NEK3: variants seen among roughly 807,000 people sequenced by gnomAD.
NEK3 encodes serine/threonine-protein kinase Nek3.
A neutral mutation model predicts 66.0 loss-of-function variants in NEK3; 54 were observed. The observed-to-expected ratio is 0.82, with a 90% CI of 0.66 to 1.03. The LOEUF (loss-of-function observed/expected upper bound fraction) is 1.03. NEK3 is among the 50% of genes least tolerant of loss of function. The pLI is 0.00. For synonymous variants in NEK3, 200 were observed against 206.2 expected (o/e 0.97, Z 0.26); for missense variants, 593 against 603.0 (o/e 0.98, Z 0.17).
At position 52,152,076 on chromosome 13, in the gene NEK3, T is replaced by C. The variant is rs1594029472; in HGVS notation, c.393+533A>G. 2.0e-5 allele frequency among the ~76,000 whole-genome samples: 3 copies of C among 152,264 alleles called. No individual in the cohort carries two copies. In the South Asian group the frequency reaches 6.2e-4, roughly 32 times the overall value. Reference sequence around the variant, plus strand: ...ATGCATTTCTGAGTACTTATCCCCCTGTCGTTAAGCGATGCATGACTGTAC... The same window carrying C: ...ATGCATTTCTGAGTACTTATCCCCCCGTCGTTAAGCGATGCATGACTGTAC... On this transcript the variant is annotated intron_variant, in intron 5 of 15. Transcript: ENST00000610828.
chr13:52,144,115 T>C (rs1237650072), intron 9 of NEK3, 128 bp from the exon 10 acceptor site: 7 of 609,778 alleles, frequency 1.1e-5, no homozygotes, highest in Non-Finnish European at 1.9e-5. Flanking sequence ...AAAGTACCAC[T>C]TTAAAAAGTA....
intron 8 of NEK3, among the ~76,000 whole-genome samples, chr13:52,145,735 T>A (rs1369896598): frequency 1.3e-5 from 2 of 152,232 alleles, no homozygotes; most frequent in Non-Finnish European, 1.5e-5. Context: ...GAGTAACATT[T>A]TTAAAGTTTT....
intron 10 of NEK3, 68 bp from the exon 11 acceptor site, chr13:52,141,137 A>G: frequency 2.9e-6 from 4 of 1,397,286 alleles, no homozygotes; most frequent in Non-Finnish European, 3.9e-6. Flanking sequence ...AGTTCCTAAT[A>G]TGATTTTCAT....
At chr13:52,137,721 A>C (rs980885867) in intron 11 of NEK3, among the ~76,000 whole-genome samples, 1 of 152,184 alleles carries the variant, frequency 6.6e-6, no homozygotes, top group Non-Finnish European at 1.5e-5. Flanking sequence ...AGGGGATTCC[A>C]GTCTTTCCTT....
chr13:52,142,638 A>G (rs1956261523), intron 10 of NEK3, among the ~76,000 whole-genome samples: 1 of 152,234 alleles, frequency 6.6e-6, no homozygotes, highest in Non-Finnish European at 1.5e-5. Context: ...CATCCTTCCA[A>G]AAACAACACT....
intron 8 of NEK3, among the ~76,000 whole-genome samples, chr13:52,147,443 A>C (rs1956303702): frequency 1.3e-5 from 2 of 152,262 alleles, no homozygotes; most frequent in African/African-American, 4.8e-5. Context: ...AGCCATAAAA[A>C]GGAATGGAAT....
At chr13:52,151,077 T>C in intron 7 of NEK3, 69 bp downstream of exon 7, 3 of 1,206,824 alleles carry the variant, frequency 2.5e-6, no homozygotes, top group South Asian at 1.3e-5. Flanking sequence ...CGTCAGACTC[T>C]AGCATCATTT....
intron 10 of NEK3, among the ~76,000 whole-genome samples, chr13:52,141,926 A>AG (rs1566853704): frequency 6.6e-6 from 1 of 151,544 alleles, no homozygotes; most frequent in Non-Finnish European, 1.5e-5. Context: ...CTAAAAAAAA[A>AG]AAAAAAAAAA....
chr13:52,143,091 T>C (rs1956264324), intron 10 of NEK3, among the ~76,000 whole-genome samples: 1 of 152,098 alleles, frequency 6.6e-6, no homozygotes, highest in Non-Finnish European at 1.5e-5. Context: ...CCGAGGTGGG[T>C]GGATCACCTG....
chr13:52,143,208 T>C (rs1956265253), intron 10 of NEK3, among the ~76,000 whole-genome samples: 1 of 151,656 alleles, frequency 6.6e-6, no homozygotes, highest in Non-Finnish European at 1.5e-5. Flanking sequence ...CCTAGCTACT[T>C]GGGAGGCTGA....
rs370138000 is a variant in NEK3, at chr13:52,156,207, C to T, written c.-16G>A. 1.1e-5 allele frequency: 17 copies of T among 1,498,078 alleles called. No individual in the cohort carries two copies. Among genetic ancestry groups the T allele is most frequent in the Non-Finnish European group, 2.8e-6 (3 of 1,088,728 alleles). The allele number at this position is 1,498,078 out of a possible 1,614,324, so 92.8% of individuals were successfully genotyped here. On this transcript the variant is annotated 5_prime_UTR_variant, in exon 2 of 16. In the 5' UTR this introduces an upstream ATG that the reference lacks. Coordinates refer to ENST00000610828, the MANE Select transcript of NEK3 (RefSeq NM_002498.3). ...AGTCATCCATGCTGGGGCATCCACA[C>T]AGCTGGGCTCCACTCACGCAGTCAC...
At chr13:52,156,383 CA>C in intron 1 of NEK3, 135 bp from the exon 2 acceptor site, 2 of 417,224 alleles carry the variant, frequency 4.8e-6, no homozygotes, top group Non-Finnish European at 8.7e-6. Context: ...TATGCTACCC[CA>C]AAATATGCCA....
rs147262749 is a variant in NEK3, at chr13:52,138,615, C to T, written c.928-1713G>A. On this transcript the variant is annotated intron_variant, in intron 11 of 15. Transcript: ENST00000610828. ...ATGAAGAGAGCAATTTGTTGTCATACAACATCTTTTCCTTTTTGAATTGAA... is the reference window on the plus strand; with the variant it reads ...ATGAAGAGAGCAATTTGTTGTCATATAACATCTTTTCCTTTTTGAATTGAA... Among the ~76,000 whole-genome samples the T allele has an allele frequency of 5.0e-3, 758 of 152,136 alleles. 2 individuals are homozygous for T. Among genetic ancestry groups the T allele is most frequent in the South Asian group, 0.018 (88 of 4,816 alleles).
In NEK3 at chr13:52,144,824, G is replaced by T. The variant is rs376971258; in HGVS notation, c.671C>A (p.Ser224Tyr). The T allele has an allele frequency of 6.2e-7, 1 of 1,613,140 alleles. No homozygotes were observed. ...GAACTGAAGTTCATAGGAGTAATGA[G>T]ACGGCAGTGGACTGATGCACCCTTG... ...VCQGCISPLP[S>Y]HYSYELQFLV... Residue 224 changes from serine (S) to tyrosine (Y), a missense_variant, in exon 9 of 16, where the codon TCT becomes TAT. Physicochemically the swap from Ser to Tyr is moderately radical, Grantham distance 144. Transcript: ENST00000610828.
At chr13:52,150,741 C>T (rs1205027680) in intron 7 of NEK3, among the ~76,000 whole-genome samples, 1 of 152,178 alleles carries the variant, frequency 6.6e-6, no homozygotes, top group Admixed American at 6.5e-5. Flanking sequence ...TTGGAATCAC[C>T]CAGTGATCTT....
rs780730001 is a variant in NEK3 at position 52,144,709 on chromosome 13, C to A, written c.786G>T (p.Gln262His). 6.2e-7 allele frequency: 1 copy of A among 1,613,864 alleles called. No homozygotes were observed. Residue 262 changes from glutamine (Q) to histidine (H), a missense_variant, in exon 9 of 16, where the codon CAG (glutamine) becomes CAT (histidine). Coordinates refer to ENST00000610828, the MANE Select transcript of NEK3 (RefSeq NM_002498.3). ...LSRGIVARLV[Q>H]KCLPPEIIME... ...ATCATACCTCGGGGGGTAAGCACTT[C>A]TGGACAAGCCGAGCTACGATGCCTC...
At chr13:52,148,985 G>A (rs1037073575) in intron 7 of NEK3, among the ~76,000 whole-genome samples, 6 of 152,072 alleles carry the variant, frequency 3.9e-5, no homozygotes, top group Admixed American at 3.3e-4. Context: ...TCTGCCTCCC[G>A]GATTCACACC....
intron 8 of NEK3, among the ~76,000 whole-genome samples, chr13:52,147,760 T>C (rs922991343): frequency 2.0e-5 from 3 of 151,898 alleles, no homozygotes; most frequent in South Asian, 4.2e-4. Flanking sequence ...TCACCTGAGG[T>C]CAGGAGTTCA....
rs56222741 is a variant in NEK3, at chr13:52,133,646, C to CA, written c.1436+42_1436+43insT. 4,144 of 1,537,616 alleles carry CA rather than the reference C, an allele frequency of 2.7e-3. 83 individuals carry two copies. In the African/African-American group the frequency reaches 0.04, roughly 15 times the overall value. The stretch of plus-strand genomic sequence containing the variant: ...ACACACACACACACACACACACACA[C>CA]CCCCAACCCCAGCTACAGCTTTCTA... On this transcript the variant is annotated intron_variant, in intron 15 of 15. Coordinates refer to ENST00000610828, the MANE Select transcript of NEK3 (RefSeq NM_002498.3).
Sources: gnomAD v4.1 joint callset for allele counts (sites outside exome capture counted in the v4.1 genomes callset) on GRCh38, gnomAD v4.1.1 for gene constraint, MANE v1.5 for transcripts, NCBI Gene and HGNC (gene_info 2026-07-23, HGNC 2026-07-21) for gene names.